Variants in PXDNL observed in about 807,000 individuals in gnomAD.
PXDNL encodes the protein probable oxidoreductase PXDNL.
PXDNL carries 145 observed loss-of-function variants against 150.8 expected under a neutral mutation model. The observed-to-expected ratio is 0.96, with a 90% CI of 0.84 to 1.10. PXDNL has a LOEUF of 1.10. Ranked by LOEUF, PXDNL falls within the 50% of genes least tolerant of loss-of-function variation. The probability of loss-of-function intolerance (pLI) is 0.00; values close to 1 mark genes in which losing one functional copy is unlikely to be tolerated. For synonymous variants in PXDNL, 757 were observed against 725.7 expected (o/e 1.04, Z -0.69); for missense variants, 2,087 against 1,873.9 (o/e 1.11, Z -2.10).
At chr8:51,738,137 A>G (rs925880335) in intron 1 of PXDNL, among the ~76,000 whole-genome samples, 1 of 152,126 alleles carries the variant, frequency 6.6e-6, no homozygotes, top group Non-Finnish European at 1.5e-5. Flanking sequence ...GCATCCTTTT[A>G]TCCCACCCAC....
chr8:51,614,189 A>G (rs939951786), intron 2 of PXDNL, among the ~76,000 whole-genome samples: 8 of 152,266 alleles, frequency 5.3e-5, no homozygotes, highest in Admixed American at 1.3e-4. Flanking sequence ...TCATTCTCTT[A>G]TAATTTATCT....
chr8:51,403,116 GA>G (rs991604879), intron 17 of PXDNL, among the ~76,000 whole-genome samples: 34 of 141,076 alleles, frequency 2.4e-4, no homozygotes, highest in African/African-American at 6.8e-4. Context: ...AAAAGAAAAA[GA>G]AAAAAAAAGA....
intron 1 of PXDNL, among the ~76,000 whole-genome samples, chr8:51,753,935 G>A (rs965467322): frequency 1.3e-5 from 2 of 152,302 alleles, no homozygotes; most frequent in Middle Eastern, 3.4e-3. Flanking sequence ...AACCTCAACC[G>A]ATTAATATGC....
intron 21 of PXDNL, among the ~76,000 whole-genome samples, chr8:51,321,704 C>G (rs1240487673): frequency 6.6e-6 from 1 of 152,094 alleles, no homozygotes; most frequent in African/African-American, 2.4e-5. Context: ...CTTCCTGAGG[C>G]CTCCCAGTCA....
At chr8:51,754,038 C>T (rs528227890) in intron 1 of PXDNL, among the ~76,000 whole-genome samples, 44 of 152,166 alleles carry the variant, frequency 2.9e-4, no homozygotes, top group East Asian at 1.3e-3. Context: ...TGATAACAAG[C>T]GCCAAGGATT....
chr8:51,754,166 A>T (rs937857507), intron 1 of PXDNL, among the ~76,000 whole-genome samples: 3 of 152,252 alleles, frequency 2.0e-5, no homozygotes, highest in Non-Finnish European at 4.4e-5. Flanking sequence ...ACAAGATAAA[A>T]GCAGTTCTTA....
rs1329141794 is a variant in PXDNL, at chr8:51,413,221, T to C, written c.1833A>G (p.Glu611=). ...TCTGTACAGCATCAAGAATGGAAGA[T>C]TCAACAAAGTCATCGCCAGCTTGTC... ...QGRQAGDDFV[E]SSILDAVQRV... is the part of the protein sequence containing the mutation. Residue 611 remains glutamate, a synonymous_variant, in exon 15 of 23, where the codon GAA becomes GAG. Transcript: ENST00000356297. 1.2e-6 allele frequency: 2 copies of C among 1,612,538 alleles called. No homozygotes were observed. Among genetic ancestry groups the C allele is most frequent in the Non-Finnish European group, 1.7e-6 (2 of 1,178,814 alleles).
chr8:51,370,954 C>T (rs1000138025), intron 19 of PXDNL, among the ~76,000 whole-genome samples: 1 of 152,192 alleles, frequency 6.6e-6, no homozygotes, highest in African/African-American at 2.4e-5. Context: ...CAACAAATCT[C>T]TAGTACTACT....
intron 18 of PXDNL, among the ~76,000 whole-genome samples, chr8:51,374,129 C>T (rs540471634): frequency 5.3e-5 from 8 of 152,326 alleles, no homozygotes; most frequent in African/African-American, 1.9e-4. Flanking sequence ...GTCATCAGGT[C>T]TTCCTCCATG....
At chr8:51,615,274 C>A (rs998050819) in intron 2 of PXDNL, among the ~76,000 whole-genome samples, 1 of 151,544 alleles carries the variant, frequency 6.6e-6, no homozygotes, top group African/African-American at 2.4e-5. Context: ...TTTTTTTCTA[C>A]TTCTCAGTCA....
chr8:51,704,320 CATTT>C (rs774112148), intron 1 of PXDNL, among the ~76,000 whole-genome samples: 5 of 152,112 alleles, frequency 3.3e-5, no homozygotes, highest in Non-Finnish European at 7.4e-5. Flanking sequence ...AGTAGCAGTT[CATTT>C]ATTTTTTACT....
intron 4 of PXDNL, among the ~76,000 whole-genome samples, chr8:51,552,897 G>T (rs1039481702): frequency 6.6e-6 from 1 of 152,140 alleles, no homozygotes; most frequent in African/African-American, 2.4e-5. Flanking sequence ...GAGACTCAAG[G>T]CATGATTCAT....
intron 17 of PXDNL, among the ~76,000 whole-genome samples, chr8:51,403,508 G>A (rs1808332323): frequency 6.6e-6 from 1 of 152,164 alleles, no homozygotes; most frequent in Non-Finnish European, 1.5e-5. Context: ...ATGTTTTGGG[G>A]GTGAGATGAG....
chr8:51,421,617 T>C (rs978900897), intron 14 of PXDNL, among the ~76,000 whole-genome samples: 1 of 152,160 alleles, frequency 6.6e-6, no homozygotes, highest in Non-Finnish European at 1.5e-5. Context: ...GAGAATTGCT[T>C]GAACCCGAGA....
At chr8:51,791,506 T>C (rs917747912) in intron 1 of PXDNL, among the ~76,000 whole-genome samples, 3 of 152,212 alleles carry the variant, frequency 2.0e-5, no homozygotes, top group South Asian at 4.1e-4. Flanking sequence ...TACCCAGGGA[T>C]TGGGTTAACC....
At chr8:51,699,799 C>A (rs1047133009) in intron 1 of PXDNL, among the ~76,000 whole-genome samples, 50 of 152,006 alleles carry the variant, frequency 3.3e-4, no homozygotes, top group African/African-American at 1.1e-3. Flanking sequence ...ATAGGAAGGC[C>A]TGAGAAGAGG....
At chr8:51,346,663 G>C (rs1021677252) in intron 19 of PXDNL, among the ~76,000 whole-genome samples, 4 of 152,158 alleles carry the variant, frequency 2.6e-5, no homozygotes, top group African/African-American at 9.7e-5. Context: ...GCCTGCCATA[G>C]TGAGTGAGTT....
chr8:51,455,955 C>T (rs112965277), intron 9 of PXDNL, among the ~76,000 whole-genome samples: 39 of 152,254 alleles, frequency 2.6e-4, no homozygotes, highest in African/African-American at 8.7e-4. Context: ...TTCAATCAAT[C>T]GCTAACTCAA....
At chr8:51,422,784 G>T (rs1250919726) in intron 14 of PXDNL, among the ~76,000 whole-genome samples, 1 of 152,244 alleles carries the variant, frequency 6.6e-6, no homozygotes, top group Non-Finnish European at 1.5e-5. Flanking sequence ...ACACTAATGT[G>T]AACTCCCACA....
Sources: gnomAD v4.1 joint callset for allele counts (sites outside exome capture counted in the v4.1 genomes callset) on GRCh38, gnomAD v4.1.1 for gene constraint, MANE v1.5 for transcripts, NCBI Gene and HGNC (gene_info 2026-07-23, HGNC 2026-07-21) for gene names.